The following PLEKHA1 variants were observed in gnomAD, a reference collection of about 807,000 sequenced individuals.
PLEKHA1 encodes pleckstrin homology domain containing A1.
PLEKHA1 carries 34 observed loss-of-function variants against 52.0 expected under a neutral mutation model. The ratio of observed to expected loss-of-function variants is 0.65; its 90% CI spans 0.50 to 0.87. The LOEUF (loss-of-function observed/expected upper bound fraction) is 0.87, where lower values mean the gene tolerates loss of function less well. Among genes scored for constraint, PLEKHA1 ranks in the 40% least tolerant of loss-of-function variants. The pLI, the probability that PLEKHA1 is intolerant of heterozygous loss-of-function variation, is 0.00. For synonymous variants in PLEKHA1, 163 were observed against 170.7 expected, an observed-to-expected ratio of 0.95 and a Z score of 0.35; for missense variants, 497 against 504.2, an observed-to-expected ratio of 0.99 and a Z score of 0.14.
At chr10:122,404,984 G>C (rs2096986777) in intron 4 of PLEKHA1, among the ~76,000 whole-genome samples, 1 of 152,234 alleles carries the variant, frequency 6.6e-6, no homozygotes, top group South Asian at 2.1e-4. Flanking sequence ...TTGAACAATT[G>C]CAACAGTATA....
intron 1 of PLEKHA1, among the ~76,000 whole-genome samples, chr10:122,383,356 A>G (rs1253573842): frequency 1.1e-5 from 1 of 89,920 alleles, no homozygotes; most frequent in Non-Finnish European, 2.2e-5. Flanking sequence ...GTCTTGCTCT[A>G]TTGCCCAGGC....
chr10:122,383,761 C>G (rs2096649490), intron 1 of PLEKHA1, among the ~76,000 whole-genome samples: 1 of 152,038 alleles, frequency 6.6e-6, no homozygotes, highest in Non-Finnish European at 1.5e-5. Flanking sequence ...ATTCAAATTT[C>G]CGATTTTAAG....
intron 4 of PLEKHA1, among the ~76,000 whole-genome samples, chr10:122,404,860 A>G (rs988427702): frequency 9.2e-5 from 14 of 152,154 alleles, no homozygotes; most frequent in East Asian, 5.8e-4. Flanking sequence ...CCCAATTTCA[A>G]AATCTTGTGT....
intron 6 of PLEKHA1, among the ~76,000 whole-genome samples, chr10:122,415,456 G>A (rs117933625): frequency 1.0e-3 from 158 of 151,750 alleles, no homozygotes; most frequent in Admixed American, 8.9e-3. Flanking sequence ...GGTGGAATCC[G>A]AATAAAGTTT....
chr10:122,388,986 T>C (rs867064143), intron 1 of PLEKHA1, among the ~76,000 whole-genome samples: 1 of 152,340 alleles, frequency 6.6e-6, no homozygotes, highest in Middle Eastern at 3.4e-3. Flanking sequence ...TCCACTGAAG[T>C]CTTGAACCCT....
chr10:122,381,857 A>G (rs1377665062), intron 1 of PLEKHA1, among the ~76,000 whole-genome samples: 2 of 152,172 alleles, frequency 1.3e-5, no homozygotes, highest in Non-Finnish European at 2.9e-5. Flanking sequence ...ATAGCTTGTT[A>G]GATAAGTGGA....
At chr10:122,436,630 A>G (rs2097438601), downstream of PLEKHA1, 1 of 152,216 alleles carries the variant, frequency 6.6e-6, no homozygotes. Flanking sequence ...GTCCACGAGG[A>G]ATCTGCCGAA....
chr10:122,412,809 A>G, intron 5 of PLEKHA1, 111 bp from the exon 6 acceptor site: 1 of 1,147,644 alleles, frequency 8.7e-7, no homozygotes, highest in Non-Finnish European at 1.2e-6. Flanking sequence ...TAATTTTTAT[A>G]TGTATCTGTC....
chr10:122,392,519 T>G (rs994219502), intron 1 of PLEKHA1: 1 of 152,194 alleles, frequency 6.6e-6, no homozygotes, highest in African/African-American at 2.4e-5. Context: ...TTTATTTTGA[T>G]TCACTTTAGT....
At chr10:122,382,273 A>G (rs1351546335) in intron 1 of PLEKHA1, among the ~76,000 whole-genome samples, 3 of 152,312 alleles carry the variant, frequency 2.0e-5, no homozygotes, top group East Asian at 3.9e-4. Flanking sequence ...CTATCCTTAG[A>G]CAACAACTCA....
At chr10:122,422,559 A>G (rs556380894) in intron 8 of PLEKHA1, 1 of 152,370 alleles carries the variant, frequency 6.6e-6, no homozygotes, top group African/African-American at 2.4e-5. Flanking sequence ...GCAAACCCAG[A>G]CTGGGAGGTG....
chr10:122,389,251 A>G (rs1025190581), intron 1 of PLEKHA1, among the ~76,000 whole-genome samples: 1 of 152,266 alleles, frequency 6.6e-6, no homozygotes, highest in Non-Finnish European at 1.5e-5. Context: ...TCTTTGATGC[A>G]TGAGCTGCAG....
In PLEKHA1 at chr10:122,397,984, A is replaced by T; in HGVS notation, c.198+10A>T. 1 of 1,600,462 alleles carries T rather than the reference A, an allele frequency of 6.2e-7. No individual in the cohort carries two copies. Among genetic ancestry groups the T allele is most frequent in the Non-Finnish European group, 8.6e-7 (1 of 1,168,542 alleles). Reference sequence around the variant, plus strand: ...TACCTACATTTCAAAGGTAGTCTTTATACATTGTCTTATACTCGTGTGAAT... The same window carrying T: ...TACCTACATTTCAAAGGTAGTCTTTTTACATTGTCTTATACTCGTGTGAAT... On this transcript the variant is annotated intron_variant, in intron 3 of 11. Coordinates refer to ENST00000368990, the MANE Select transcript of PLEKHA1 (RefSeq NM_001001974.4).
At position 122,393,166 on chromosome 10, in the gene PLEKHA1, A is replaced by C; in HGVS notation, c.-20-15A>C. 1 of 1,566,170 alleles carries C rather than the reference A, an allele frequency of 6.4e-7. No individual in the cohort carries two copies. Among genetic ancestry groups the C allele is most frequent in the South Asian group, 1.2e-5 (1 of 81,220 alleles). ...GTTTCATAGGGAGCTTACTGTTAAT[A>C]TTTTTATTTTACAGTGTAATGTTCA... On this transcript the variant is annotated splice_polypyrimidine_tract_variant and intron_variant, in intron 1 of 11. Coordinates refer to ENST00000368990, the MANE Select transcript of PLEKHA1 (RefSeq NM_001001974.4). This position sits in a 1 kb window ranked among gnomAD's most constrained non-coding sequence, Gnocchi z 4.5.
intron 2 of PLEKHA1, among the ~76,000 whole-genome samples, chr10:122,395,346 A>G (rs2096835983): frequency 6.6e-6 from 1 of 152,136 alleles, no homozygotes; most frequent in South Asian, 2.1e-4. Context: ...TTTCCAACTT[A>G]GGAAATCTTG....
At chr10:122,401,391 G>C (rs2096926996) in intron 4 of PLEKHA1, among the ~76,000 whole-genome samples, 1 of 152,082 alleles carries the variant, frequency 6.6e-6, no homozygotes, top group Non-Finnish European at 1.5e-5. Context: ...AGTGTCTTTT[G>C]AACTACTGTA....
chr10:122,433,485 A>C (rs1049396620), downstream of PLEKHA1: 1 of 152,156 alleles, frequency 6.6e-6, no homozygotes, highest in Middle Eastern at 3.4e-3. Context: ...CTAATAACCT[A>C]TGGCATTCCG....
intron 7 of PLEKHA1, 31 bp downstream of exon 7, chr10:122,416,033 T>A (rs1160783237): frequency 3.8e-6 from 6 of 1,569,612 alleles, no homozygotes; most frequent in Admixed American, 3.8e-5. Flanking sequence ...CATGAAATAA[T>A]GAAAAAGGAT....
Position 122,393,244 on chromosome 10 carries a change from A to G in PLEKHA1, c.44A>G (p.Asp15Gly), listed in dbSNP as rs1223086396. Residue 15 changes from aspartate to glycine, a missense_variant, in exon 2 of 12, where the codon GAC becomes GGC. Transcript: ENST00000368990. This position sits in a 1 kb window ranked among gnomAD's most constrained non-coding sequence, Gnocchi z 4.5. ...CAGAATCGCATTTGTGGTTTTCTAG[A>G]CATTGAAGAAAATGAAAACAGTGGG... ...DRQNRICGFL[D>G]IEENENSGKF... The G allele has an allele frequency of 6.2e-7, 1 of 1,612,856 alleles. No homozygotes were observed. The highest frequency in any genetic ancestry group is 1.7e-5 in the Admixed American group (1 of 59,894).
Sources: allele counts gnomAD v4.1 joint callset (sites outside exome capture counted in the v4.1 genomes callset), GRCh38; gene constraint gnomAD v4.1.1; non-coding constraint Gnocchi (gnomAD v3.1); transcripts MANE v1.5; gene names NCBI Gene and HGNC (gene_info 2026-07-23, HGNC 2026-07-21).